The following ALK variants were observed in gnomAD, a reference collection of about 807,000 sequenced individuals.
The protein encoded by ALK is ALK tyrosine kinase receptor.
ALK carries 74 observed loss-of-function variants against 163.1 expected under a neutral mutation model. The observed-to-expected ratio is 0.45, with a 90% CI of 0.38 to 0.55. ALK has a LOEUF of 0.55. ALK is among the 20% of genes least tolerant of loss of function. The pLI is 0.00. For synonymous variants in ALK, 960 were observed against 843.2 expected (o/e 1.14, Z -2.40); for missense variants, 2,063 against 2,105.3 (o/e 0.98, Z 0.39).
At chr2:29,770,984 G>A (rs1353566222) in intron 1 of ALK, among the ~76,000 whole-genome samples, 2 of 148,992 alleles carry the variant, frequency 1.3e-5, no homozygotes, top group Non-Finnish European at 3.0e-5. Flanking sequence ...GACATACACA[G>A]AAACACAGAC....
chr2:29,602,318 G>T (rs1344318822), intron 3 of ALK, among the ~76,000 whole-genome samples: 1 of 152,024 alleles, frequency 6.6e-6, no homozygotes, highest in Non-Finnish European at 1.5e-5. Flanking sequence ...TCTGCTCATA[G>T]AATCCCAGCA....
At chr2:29,213,914 C>T (rs2148159039) in intron 24 of ALK, 70 bp downstream of exon 24, 1 of 1,350,040 alleles carries the variant, frequency 7.4e-7, no homozygotes, top group East Asian at 2.3e-5. Context: ...AATGTGAGCC[C>T]TTGAGATCTG....
rs144030155 is a variant in ALK at position 29,531,969 on chromosome 2, G to C, written c.1100C>G (p.Pro367Arg). ...GATCTCTCTTGCAGCCTCGTTGTGG[G>C]GCAGCAGCTGGGCAATGTACCTTCC... is the stretch of plus-strand genomic sequence containing the variant. ...PSGRYIAQLLPHNEAAREILL... is the reference protein window; with the variant it reads ...PSGRYIAQLLRHNEAAREILL... The change falls in exon 4 of 29, where the codon CCC becomes CGC. Residue 367 changes from proline (P) to arginine (R), a missense_variant. Pro to Arg is a moderately radical substitution (Grantham distance 103). Coordinates refer to ENST00000389048, the MANE Select transcript of ALK (RefSeq NM_004304.5). 1.7e-4 allele frequency: 269 copies of C among 1,614,028 alleles called. No homozygotes were observed. Among genetic ancestry groups the C allele is most frequent in the South Asian group, 3.1e-4 (28 of 91,078 alleles).
intron 4 of ALK, among the ~76,000 whole-genome samples, chr2:29,518,035 GAAT>G (rs1228525051): frequency 8.5e-5 from 13 of 152,190 alleles, no homozygotes; most frequent in African/African-American, 3.1e-4. Flanking sequence ...GAGATATGGA[GAAT>G]AAAACAGGGT....
At chr2:29,393,812 G>A (rs1669238736) in intron 4 of ALK, among the ~76,000 whole-genome samples, 1 of 152,190 alleles carries the variant, frequency 6.6e-6, no homozygotes, top group African/African-American at 2.4e-5. Flanking sequence ...TTAAGTGGAT[G>A]AAATAGGCAG....
rs116284818 is a variant in ALK, at chr2:29,310,313, C to T, written c.1647+7991G>A. On this transcript the variant is annotated intron_variant, in intron 8 of 28. Transcript: ENST00000389048. ...AAATGGGGGTAATAATTTTTTATAA[C>T]GAGATAATGTAGGTGAAATGCTTAG... Among the ~76,000 whole-genome samples, 734 of 152,226 alleles carry T rather than the reference C, an allele frequency of 4.8e-3. 6 individuals carry two copies. The highest frequency in any genetic ancestry group is 0.016 in the African/African-American group (681 of 41,536).
At chr2:29,647,787 T>TC (rs1676927007) in intron 3 of ALK, among the ~76,000 whole-genome samples, 1 of 146,362 alleles carries the variant, frequency 6.8e-6, no homozygotes, top group Admixed American at 6.7e-5. Flanking sequence ...TTTTTTTTTT[T>TC]TTTTTTTGCC....
rs1177940487 is a variant in ALK at position 29,392,477 on chromosome 2, T to TAGA, written c.1155-8621_1155-8619dup. On this transcript the variant is annotated intron_variant, in intron 4 of 28. Transcript: ENST00000389048. ...GCATACTAGCAAAGGGTGCATCCTGTAGATATTTTGGCCCCTTTCATTGTT... is the reference window on the plus strand; with the variant it reads ...GCATACTAGCAAAGGGTGCATCCTGTAGAAGATATTTTGGCCCCTTTCATTGTT... Among the ~76,000 whole-genome samples, 8 of 152,342 alleles carry TAGA rather than the reference T, an allele frequency of 5.3e-5. No individual in the cohort carries two copies. The East Asian group carries it at 1.2e-3, about 22-fold the overall frequency.
At chr2:29,474,475 T>C (rs1335728756) in intron 4 of ALK, among the ~76,000 whole-genome samples, 1 of 152,168 alleles carries the variant, frequency 6.6e-6, no homozygotes, top group Non-Finnish European at 1.5e-5. Context: ...CTCTATAACA[T>C]AAAGCTAGCT....
Position 29,704,226 on chromosome 2 carries a change from A to G in ALK, c.788-9212T>C, listed in dbSNP as rs535759706. Among the ~76,000 whole-genome samples, 3 of 152,292 alleles carry G rather than the reference A, an allele frequency of 2.0e-5. No individual in the cohort carries two copies. In the East Asian group the frequency reaches 5.8e-4, roughly 29 times the overall value. On this transcript the variant is annotated intron_variant, in intron 2 of 28. Transcript: ENST00000389048. ...CCCCAGAAATTAGCATTCTTAAAAC[A>G]CTGTCAGTCCTTAAAGATTGTACCC...
Position 29,778,420 on chromosome 2 carries a change from C to T in ALK, c.668-60723G>A, listed in dbSNP as rs1351495572. Among the ~76,000 whole-genome samples the T allele has an allele frequency of 5.3e-5, 8 of 152,190 alleles. No individual in the cohort carries two copies. In the East Asian group the frequency reaches 1.3e-3, roughly 26 times the overall value. On this transcript the variant is annotated intron_variant, in intron 1 of 28. Transcript: ENST00000389048. ...CACAGACTAAATTTCGGTTCAAATG[C>T]TAAATTTGGAGAAGATGACTTCCCA...
intron 4 of ALK, among the ~76,000 whole-genome samples, chr2:29,426,056 A>G (rs899810330): frequency 6.6e-6 from 1 of 152,232 alleles, no homozygotes; most frequent in Non-Finnish European, 1.5e-5. Context: ...GAGCTTTGCC[A>G]AAAACAATGG....
At chr2:29,901,525 C>T (rs965463057) in intron 1 of ALK, among the ~76,000 whole-genome samples, 1 of 152,160 alleles carries the variant, frequency 6.6e-6, no homozygotes, top group African/African-American at 2.4e-5. Flanking sequence ...GGAAGGAGTC[C>T]CAGCTTCAAG....
At chr2:29,729,898 T>C (rs1679687093) in intron 1 of ALK, among the ~76,000 whole-genome samples, 1 of 152,206 alleles carries the variant, frequency 6.6e-6, no homozygotes, top group Admixed American at 6.5e-5. Context: ...AGTGTTAACA[T>C]TTTATTGCAT....
chr2:29,859,786 A>C (rs1666233206), intron 1 of ALK, among the ~76,000 whole-genome samples: 1 of 152,180 alleles, frequency 6.6e-6, no homozygotes, highest in Admixed American at 6.5e-5. Flanking sequence ...GAGTTACTGG[A>C]AAGACTTCTT....
intron 3 of ALK, among the ~76,000 whole-genome samples, chr2:29,680,594 T>A (rs1434779865): frequency 3.9e-5 from 6 of 152,144 alleles, no homozygotes; most frequent in Non-Finnish European, 8.8e-5. Context: ...CTCATTGTTG[T>A]CATGCTGTTC....
rs540049911 is a variant in ALK at position 29,428,007 on chromosome 2, A to G, written c.1155-44148T>C. On this transcript the variant is annotated intron_variant, in intron 4 of 28. Transcript: ENST00000389048. ...AAATTCACAAATAAGTGAAAATTAAACAACACTCTTCTAAATAACCAGTGG... is the reference window on the plus strand; with the variant it reads ...AAATTCACAAATAAGTGAAAATTAAGCAACACTCTTCTAAATAACCAGTGG... Among the ~76,000 whole-genome samples the G allele has an allele frequency of 2.6e-5, 4 of 152,212 alleles. No individual in the cohort carries two copies. The South Asian group carries it at 8.3e-4, about 32-fold the overall frequency.
At chr2:29,654,524 G>A (rs907993697) in intron 3 of ALK, among the ~76,000 whole-genome samples, 2 of 152,106 alleles carry the variant, frequency 1.3e-5, no homozygotes, top group African/African-American at 2.4e-5. Context: ...TTGTGGGTAG[G>A]GGAACACTGA....
intron 1 of ALK, among the ~76,000 whole-genome samples, chr2:29,906,532 T>G (rs1183241811): frequency 6.6e-6 from 1 of 152,178 alleles, no homozygotes; most frequent in Non-Finnish European, 1.5e-5. Context: ...AGGACCCTCA[T>G]GTTGGGGAGA....
Sources: allele counts gnomAD v4.1 joint callset (sites outside exome capture counted in the v4.1 genomes callset), GRCh38; gene constraint gnomAD v4.1.1; transcripts MANE v1.5; gene names NCBI Gene and HGNC (gene_info 2026-07-23, HGNC 2026-07-21).